Variants in SGCZ observed in about 807,000 individuals in gnomAD.
SGCZ encodes zeta-sarcoglycan.
SGCZ carries 40 observed loss-of-function variants against 41.3 expected under a neutral mutation model. The ratio of observed to expected loss-of-function variants is 0.97; its 90% CI spans 0.75 to 1.26. SGCZ has a LOEUF of 1.26. Ranked by LOEUF, SGCZ falls within the 50% of genes most tolerant of loss-of-function variation. SGCZ has a pLI of 0.00. For missense variants in SGCZ, 552 were observed against 369.8 expected (o/e 1.49, Z -4.04); for synonymous variants, 206 against 137.5 (o/e 1.50, Z -3.49).
chr8:14,124,277 C>T, intron 5 of SGCZ, among the ~76,000 whole-genome samples: 1 of 151,938 alleles, frequency 6.6e-6, no homozygotes, highest in East Asian at 1.9e-4. Flanking sequence ...TCCTTCACTC[C>T]CTCTTTCTCC....
At chr8:14,163,412 A>G (rs890550953) in intron 5 of SGCZ, among the ~76,000 whole-genome samples, 1 of 152,188 alleles carries the variant, frequency 6.6e-6, no homozygotes, top group Non-Finnish European at 1.5e-5. Flanking sequence ...ATAAATGAGA[A>G]CATGTGGTGT....
At chr8:14,878,727 G>T (rs1804463422) in intron 1 of SGCZ, among the ~76,000 whole-genome samples, 1 of 152,146 alleles carries the variant, frequency 6.6e-6, no homozygotes, top group African/African-American at 2.4e-5. Context: ...TAAGAGGCAA[G>T]CACTAAATAA....
rs1289028862 is a variant in SGCZ, at chr8:14,297,503, CCGTAGAAAGTAA to C, written c.336+26588_336+26599del. The stretch of plus-strand genomic sequence containing the variant: ...TTATCAATAAAATTGATAAAAACTC[CCGTAGAAAGTAA>C]CACAGAAGAAAAAAGAGAAAACCAA... On this transcript the variant is annotated intron_variant, in intron 3 of 7. Coordinates refer to ENST00000382080, the MANE Select transcript of SGCZ (RefSeq NM_139167.4). Among the ~76,000 whole-genome samples, 3 of 150,730 alleles carry C rather than the reference CCGTAGAAAGTAA, an allele frequency of 2.0e-5. No individual in the cohort carries two copies. The East Asian group carries it at 5.9e-4, about 29-fold the overall frequency.
At chr8:14,436,435 G>C (rs531048136) in intron 2 of SGCZ, among the ~76,000 whole-genome samples, 1 of 152,284 alleles carries the variant, frequency 6.6e-6, no homozygotes, top group East Asian at 1.9e-4. Context: ...GGATAATCTA[G>C]CCCACTGTAT....
intron 4 of SGCZ, among the ~76,000 whole-genome samples, chr8:14,206,896 G>C (rs963854375): frequency 2.6e-5 from 4 of 152,102 alleles, no homozygotes; most frequent in Non-Finnish European, 4.4e-5. Flanking sequence ...GAGAACACCT[G>C]GGAATAGACC....
chr8:14,341,838 T>C (rs1375813064), intron 2 of SGCZ, among the ~76,000 whole-genome samples: 1 of 152,234 alleles, frequency 6.6e-6, no homozygotes, highest in East Asian at 1.9e-4. Flanking sequence ...GCTCCCGCCA[T>C]GATTCTGAAG....
At position 15,218,421 on chromosome 8, in the gene SGCZ, T is replaced by C. The variant is rs537548749; in HGVS notation, c.39+19164A>G. Among the ~76,000 whole-genome samples, 266 of 152,360 alleles carry C rather than the reference T, an allele frequency of 1.7e-3. 1 individual carries two copies. Among genetic ancestry groups the C allele is most frequent in the Middle Eastern group, 0.01 (3 of 294 alleles). On this transcript the variant is annotated intron_variant, in intron 1 of 7. Coordinates refer to ENST00000382080, the MANE Select transcript of SGCZ (RefSeq NM_139167.4). ...ACATCCCAATGCATATTTTTAGGTG[T>C]AGGCTGATTGACTTTTCTCAGTGTT...
At chr8:15,008,180 A>T (rs1802676125) in intron 1 of SGCZ, among the ~76,000 whole-genome samples, 1 of 152,032 alleles carries the variant, frequency 6.6e-6, no homozygotes, top group South Asian at 2.1e-4. Flanking sequence ...TACTTGAAGC[A>T]CTCATTCCTG....
chr8:14,456,800 G>C (rs1196236432), intron 2 of SGCZ, among the ~76,000 whole-genome samples: 1 of 152,168 alleles, frequency 6.6e-6, no homozygotes, highest in African/African-American at 2.4e-5. Flanking sequence ...TTAGATCAGG[G>C]AGGTGGATCC....
intron 4 of SGCZ, among the ~76,000 whole-genome samples, chr8:14,188,529 T>G (rs1198185876): frequency 2.6e-5 from 4 of 152,126 alleles, no homozygotes; most frequent in African/African-American, 7.2e-5. Flanking sequence ...GGGTAGTAAT[T>G]GCCTAGAGGG....
intron 1 of SGCZ, among the ~76,000 whole-genome samples, chr8:15,090,088 G>A (rs527341245): frequency 1.3e-5 from 2 of 152,102 alleles, no homozygotes; most frequent in South Asian, 2.1e-4. Flanking sequence ...CAACTTTTCA[G>A]TTACTGACAA....
intron 3 of SGCZ, among the ~76,000 whole-genome samples, chr8:14,272,720 G>C (rs189537213): frequency 6.6e-6 from 1 of 152,224 alleles, no homozygotes; most frequent in Admixed American, 6.5e-5. Flanking sequence ...ATGACTCTAA[G>C]TTTACTTGAA....
intron 1 of SGCZ, among the ~76,000 whole-genome samples, chr8:14,574,738 A>G (rs1399745932): frequency 6.6e-6 from 1 of 152,196 alleles, no homozygotes; most frequent in Non-Finnish European, 1.5e-5. Context: ...TCTTTGGTTA[A>G]TTTGTTTTTA....
intron 2 of SGCZ, among the ~76,000 whole-genome samples, chr8:14,409,409 T>TA (rs564615210): frequency 1.6e-4 from 25 of 152,178 alleles, no homozygotes; most frequent in Admixed American, 5.9e-4. Flanking sequence ...ATTAAGTAAA[T>TA]ATTTCAATAT....
At chr8:14,332,427 A>G (rs1191185352) in intron 2 of SGCZ, 3 of 152,132 alleles carry the variant, frequency 2.0e-5, no homozygotes, top group Admixed American at 1.3e-4. Context: ...GGCGACAGAG[A>G]GAGACTCTGT....
chr8:14,494,056 AG>A (rs777462761), intron 2 of SGCZ, among the ~76,000 whole-genome samples: 7 of 152,296 alleles, frequency 4.6e-5, no homozygotes, highest in Non-Finnish European at 8.8e-5. Context: ...TCTTAAAAAC[AG>A]GGTTAAAATA....
At chr8:14,777,256 A>G (rs1196771949) in intron 1 of SGCZ, among the ~76,000 whole-genome samples, 4 of 152,170 alleles carry the variant, frequency 2.6e-5, no homozygotes, top group African/African-American at 9.7e-5. Flanking sequence ...AATAAGAAAT[A>G]TGACCTATAT....
intron 1 of SGCZ, among the ~76,000 whole-genome samples, chr8:15,021,603 G>A (rs1180296870): frequency 6.6e-6 from 1 of 152,200 alleles, no homozygotes; most frequent in Non-Finnish European, 1.5e-5. Context: ...AGGGAAGAAA[G>A]AAACTAACAG....
chr8:14,519,268 T>C (rs1563381753), intron 2 of SGCZ, among the ~76,000 whole-genome samples: 2 of 152,076 alleles, frequency 1.3e-5, no homozygotes, highest in Admixed American at 6.6e-5. Context: ...ACTACAGTTA[T>C]GTGCAGTATC....
Sources: allele counts gnomAD v4.1 joint callset (sites outside exome capture counted in the v4.1 genomes callset), GRCh38; gene constraint gnomAD v4.1.1; transcripts MANE v1.5; gene names NCBI Gene and HGNC (gene_info 2026-07-23, HGNC 2026-07-21).